Variants in PRG4 observed in about 807,000 individuals in gnomAD.
PRG4 encodes the protein articular superficial zone protein.
A neutral mutation model predicts 91.2 loss-of-function variants in PRG4; 61 were observed. That is an observed-to-expected ratio of 0.67 (90% CI 0.54 to 0.83). The LOEUF (loss-of-function observed/expected upper bound fraction) is 0.83, where lower values mean the gene tolerates loss of function less well. Among genes scored for constraint, PRG4 ranks in the 40% least tolerant of loss-of-function variants. The pLI is 0.00. For missense variants in PRG4, 1,564 were observed against 1,714.2 expected (o/e 0.91, Z 1.55); for synonymous variants, 576 against 614.2 (o/e 0.94, Z 0.92).
chr1:186,311,343 C>G, intron 9 of PRG4, 97 bp from the exon 10 acceptor site: 12 of 1,457,806 alleles, frequency 8.2e-6, no homozygotes, highest in Non-Finnish European at 1.1e-5. Flanking sequence ...AACCGTTTAA[C>G]CAAGTTAACA....
intron 7 of PRG4, 91 bp from the exon 8 acceptor site, chr1:186,309,702 G>C: frequency 1.0e-6 from 1 of 964,164 alleles, no homozygotes; most frequent in Non-Finnish European, 1.7e-6. Flanking sequence ...AAGGTAAACA[G>C]GAAATAGAAC....
rs1191725877 is a variant in PRG4, at chr1:186,301,619, A to C, written c.227A>C (p.Glu76Ala). 1 of 1,614,006 alleles carries C rather than the reference A, an allele frequency of 6.2e-7. No homozygotes were observed. Among genetic ancestry groups the C allele is most frequent in the Admixed American group, 1.7e-5 (1 of 60,010 alleles). ...AELSCKGRCF[E>A]SFERGRECDC... ...CTTTCCTGTAAAGGCCGCTGCTTTG[A>C]GTCCTTCGAGAGAGGGAGGGAGTGT... The change falls in exon 4 of 13, where the codon GAG becomes GCG. Residue 76 changes from glutamate (E) to alanine (A), a missense_variant. By Grantham distance (107) the Glu-to-Ala change is moderately radical. Transcript: ENST00000445192.
At chr1:186,300,619 T>C (rs1227669958) in intron 3 of PRG4, among the ~76,000 whole-genome samples, 1 of 152,192 alleles carries the variant, frequency 6.6e-6, no homozygotes, top group Admixed American at 6.5e-5. Flanking sequence ...AATAGTTTCA[T>C]CAAAAGAATA....
At chr1:186,300,343 T>C in intron 3 of PRG4, 130 bp downstream of exon 3, 4 of 1,213,884 alleles carry the variant, frequency 3.3e-6, no homozygotes, top group Non-Finnish European at 3.6e-6. Context: ...GTTTTCCCAC[T>C]GTATCACTTC....
intron 4 of PRG4, 45 bp from the exon 5 acceptor site, chr1:186,304,063 T>G (rs1179795158): frequency 1.9e-6 from 3 of 1,602,318 alleles, no homozygotes; most frequent in Admixed American, 3.3e-5. Flanking sequence ...GAGCTGCTGA[T>G]GAACATAAAC....
At position 186,307,924 on chromosome 1, in the gene PRG4, C is replaced by A; in HGVS notation, c.2205C>A (p.Pro735=). 1.2e-6 allele frequency: 2 copies of A among 1,609,598 alleles called. No individual in the cohort carries two copies. The highest frequency in any genetic ancestry group is 1.7e-6 in the Non-Finnish European group (2 of 1,178,862). Residue 735 remains proline (P), a synonymous_variant, in exon 7 of 13, where the codon CCC becomes CCA. Transcript: ENST00000445192. ...AGCCTGCCCCCAAGGAGCTTGCACCCACCACCACCAAGGAGCCCACATCCA... is the reference window on the plus strand; with the variant it reads ...AGCCTGCCCCCAAGGAGCTTGCACCAACCACCACCAAGGAGCCCACATCCA... ...PKKPAPKELA[P]TTTKEPTSTT...
In PRG4 at chr1:186,304,800, C is replaced by T. The variant is rs769945213; in HGVS notation, c.476C>T (p.Ser159Phe). Reference sequence around the variant, plus strand: ...CTTTCTATTTGATTTATAGAACATTCTGTTTCTGAAAATCAAGAGTCCTCC... The same window carrying T: ...CTTTCTATTTGATTTATAGAACATTTTGTTTCTGAAAATCAAGAGTCCTCC... Reference protein sequence around the residue: ...IESEEITEEHSVSENQESSSS... With the variant: ...IESEEITEEHFVSENQESSSS... Residue 159 changes from serine to phenylalanine, a missense_variant, in exon 6 of 13, where the codon TCT becomes TTT. By Grantham distance (155) the Ser-to-Phe change is radical (BLOSUM62 -2). This residue lies in a region of PRG4 where 437 missense variants were observed against 459.0 expected (regional missense o/e 0.95). Transcript: ENST00000445192. 1.2e-6 allele frequency: 2 copies of T among 1,611,350 alleles called. No homozygotes were observed. The highest frequency in any genetic ancestry group is 1.7e-6 in the Non-Finnish European group (2 of 1,177,766).
At chr1:186,301,393 T>C (rs760820427) in intron 3 of PRG4, among the ~76,000 whole-genome samples, 199 bp from the exon 4 acceptor site, 1 of 152,192 alleles carries the variant, frequency 6.6e-6, no homozygotes, top group Non-Finnish European at 1.5e-5. Flanking sequence ...TCAGTCACCA[T>C]ATTTCTTTTT....
intron 3 of PRG4, 35 bp from the exon 4 acceptor site, chr1:186,301,557 G>A: frequency 6.2e-7 from 1 of 1,613,048 alleles, no homozygotes; most frequent in Non-Finnish European, 8.5e-7. Flanking sequence ...GCTTCACAAT[G>A]AATAATCTGT....
chr1:186,304,778 T>C lies in PRG4; in HGVS notation c.470-16T>C, dbSNP rs1451151428. 1.2e-6 allele frequency: 2 copies of C among 1,608,884 alleles called. No homozygotes were observed. Among genetic ancestry groups the C allele is most frequent in the Non-Finnish European group, 1.7e-6 (2 of 1,175,560 alleles). ...AATCACAGTTGGTGTGATCAAACTT[T>C]CTATTTGATTTATAGAACATTCTGT... is the stretch of plus-strand genomic sequence containing the variant. On this transcript the variant is annotated splice_polypyrimidine_tract_variant and intron_variant, in intron 5 of 12. Transcript: ENST00000445192.
At chr1:186,310,657 A>ATTTTTTTTTTTT (rs746583527) in intron 8 of PRG4, among the ~76,000 whole-genome samples, 22 of 135,920 alleles carry the variant, frequency 1.6e-4, no homozygotes, top group African/African-American at 6.1e-4. Context: ...TAATTTTTGT[A>ATTTTTTTTTTTT]TTTTTTTTTG....
At chr1:186,310,012 A>G (rs1657062586) in intron 8 of PRG4, 142 bp downstream of exon 8, 6 of 715,324 alleles carry the variant, frequency 8.4e-6, no homozygotes, top group Admixed American at 6.3e-5. Context: ...AGAATCCGAG[A>G]GTAATAACAG....
At chr1:186,313,502 A>G in intron 12 of PRG4, 179 bp from the exon 13 acceptor site, 1 of 550,026 alleles carries the variant, frequency 1.8e-6, no homozygotes, top group Non-Finnish European at 3.2e-6. Flanking sequence ...GAAACATCAA[A>G]AAAGCTGAAA....
rs770298974 is a variant in PRG4 at position 186,307,664 on chromosome 1, GCACCCACCACCCCTGAGGAGCCCA to G, written c.1968_1991del (p.Thr657_Pro664del). ...CGCACCCACCACCCCTGAGGAGCTC[GCACCCACCACCCCTGAGGAGCCCA>G]CACCCACCACCCCTGAGGAGCCTGC... On this transcript the variant is annotated inframe_deletion, in exon 7 of 13. Transcript: ENST00000445192. The G allele has an allele frequency of 6.7e-5, 104 of 1,542,550 alleles. No homozygotes were observed. The highest frequency in any genetic ancestry group is 6.4e-4 in the Middle Eastern group (3 of 4,712).
chr1:186,304,688 G>A, intron 5 of PRG4, 106 bp from the exon 6 acceptor site: 1 of 1,405,008 alleles, frequency 7.1e-7, no homozygotes, highest in Non-Finnish European at 9.8e-7. Flanking sequence ...GCAAAATCCA[G>A]ATACTTGTAG....
At position 186,314,287 on chromosome 1, in the gene PRG4, T is replaced by A; in HGVS notation, c.*509T>A. 2.3e-6 allele frequency: 1 copy of A among 436,134 alleles called. No individual in the cohort carries two copies. The highest frequency in any genetic ancestry group is 4.0e-6 in the Non-Finnish European group (1 of 248,702). The allele number at this position is 436,134 out of a possible 1,614,324, so 27.0% of individuals were successfully genotyped here. Reference sequence around the variant, plus strand: ...TAGCTAAAACATAATCACAAAGCTTTATCGTGTTGTATAAAAAAATTAACA... The same window carrying A: ...TAGCTAAAACATAATCACAAAGCTTAATCGTGTTGTATAAAAAAATTAACA... On this transcript the variant is annotated 3_prime_UTR_variant, in exon 13 of 13. Coordinates refer to ENST00000445192, the MANE Select transcript of PRG4 (RefSeq NM_005807.6).
chr1:186,298,345 G>A (rs1433240725), intron 2 of PRG4, among the ~76,000 whole-genome samples: 1 of 151,972 alleles, frequency 6.6e-6, no homozygotes, highest in Non-Finnish European at 1.5e-5. Context: ...TTGCATCATG[G>A]CACTCCAGCC....
intron 9 of PRG4, 121 bp downstream of exon 9, chr1:186,311,291 A>C: frequency 7.0e-7 from 1 of 1,422,454 alleles, no homozygotes; most frequent in South Asian, 1.2e-5. Flanking sequence ...ATCAAAATTT[A>C]ATCATAATTC....
Position 186,312,883 on chromosome 1 carries a change from C to G in PRG4, c.4106C>G (p.Ala1369Gly), listed in dbSNP as rs745367093. ...AAACCTGACGGCTATGATTACTATGCCTTTTCTAAAGGTAAGGTATTAACT... is the reference window on the plus strand; with the variant it reads ...AAACCTGACGGCTATGATTACTATGGCTTTTCTAAAGGTAAGGTATTAACT... ...IRKPDGYDYY[A>G]FSKDQYYNID... Residue 1369 changes from alanine to glycine, a missense_variant, in exon 12 of 13, where the codon GCC (alanine) becomes GGC (glycine). This residue lies in a region of PRG4 where 1,079 missense variants were observed against 1,162.2 expected (regional missense o/e 0.93). Transcript: ENST00000445192. The G allele has an allele frequency of 3.7e-6, 6 of 1,612,012 alleles. No individual in the cohort carries two copies. The highest frequency in any genetic ancestry group is 4.2e-6 in the Non-Finnish European group (5 of 1,178,258).
Sources: gnomAD v4.1 joint callset for allele counts (sites outside exome capture counted in the v4.1 genomes callset) on GRCh38, gnomAD v4.1.1 for gene constraint, gnomAD v4.1.1 regional missense constraint, MANE v1.5 for transcripts, NCBI Gene and HGNC (gene_info 2026-07-23, HGNC 2026-07-21) for gene names.